ACYP2: variants seen among roughly 807,000 people sequenced by gnomAD.
ACYP2 encodes acylphosphatase-2.
Under a neutral mutation model 11.2 loss-of-function variants are expected in ACYP2, and 12 were observed. The observed-to-expected ratio is 1.08, with a 90% confidence interval of 0.69 to 1.74. The LOEUF (loss-of-function observed/expected upper bound fraction) is 1.74. Among genes scored for constraint, ACYP2 ranks in the 40% most tolerant of loss-of-function variants. The probability of loss-of-function intolerance (pLI) is 0.00; values close to 1 mark genes in which losing one functional copy is unlikely to be tolerated. For missense variants in ACYP2, 134 were observed against 101.9 expected, an observed-to-expected ratio of 1.31 and a Z score of -1.35; for synonymous variants, 43 against 32.2, an observed-to-expected ratio of 1.33 and a Z score of -1.13.
In ACYP2 at chr2:54,159,486, G is replaced by A. The variant is rs140205542; in HGVS notation, c.404+20738G>A. ...GCCTCCAAAAGTCCTGAGATTACAG[G>A]CATGAGCCACCGCACCCAGCCAGGA... On this transcript the variant is annotated intron_variant, in intron 6 of 6. Coordinates refer to ENST00000607452, the MANE Select transcript of ACYP2 (RefSeq NM_001320586.2). Among the ~76,000 whole-genome samples, 510 of 151,948 alleles carry A rather than the reference G, an allele frequency of 3.4e-3. 6 individuals are homozygous for A. Among genetic ancestry groups the A allele is most frequent in the African/African-American group, 0.012 (486 of 41,438 alleles).
At chr2:54,049,263 A>AAAT (rs10617454) in intron 2 of ACYP2, among the ~76,000 whole-genome samples, 3,194 of 151,594 alleles carry the variant, frequency 0.021, 119 homozygotes, top group African/African-American at 0.072. Context: ...CCCATCTCAA[A>AAAT]AATAATAATA....
At chr2:54,250,737 C>T (rs1687185648) in intron 6 of ACYP2, among the ~76,000 whole-genome samples, 1 of 152,180 alleles carries the variant, frequency 6.6e-6, no homozygotes, top group African/African-American at 2.4e-5. Context: ...AAATTATTAT[C>T]ACCCAAATAC....
chr2:54,143,061 A>T (rs1010802734), intron 6 of ACYP2: 5 of 152,184 alleles, frequency 3.3e-5, no homozygotes, highest in African/African-American at 1.2e-4. Flanking sequence ...TCAGTTTTTT[A>T]AAAAACTATA....
intron 6 of ACYP2, among the ~76,000 whole-genome samples, chr2:54,150,060 A>G (rs952524258): frequency 6.6e-6 from 1 of 152,246 alleles, no homozygotes; most frequent in African/African-American, 2.4e-5. Flanking sequence ...TTAAATGTAT[A>G]TAATGGTGGA....
At chr2:54,200,617 T>C (rs1212472794) in intron 6 of ACYP2, among the ~76,000 whole-genome samples, 2 of 152,256 alleles carry the variant, frequency 1.3e-5, no homozygotes, top group Non-Finnish European at 2.9e-5. Flanking sequence ...TATGGCCGAA[T>C]AACATGAATA....
At chr2:54,067,551 T>C (rs544313100) in intron 4 of ACYP2, among the ~76,000 whole-genome samples, 1 of 152,354 alleles carries the variant, frequency 6.6e-6, no homozygotes, top group East Asian at 1.9e-4. Context: ...CAGTGCCTAC[T>C]TAACATGAAT....
chr2:54,233,043 G>C (rs1686308881), intron 6 of ACYP2, among the ~76,000 whole-genome samples: 1 of 146,914 alleles, frequency 6.8e-6, no homozygotes, highest in Non-Finnish European at 1.5e-5. Context: ...TCACAATTAA[G>C]TTTTTTTTTT....
At chr2:54,302,892 C>G (rs1689781121) in intron 6 of ACYP2, among the ~76,000 whole-genome samples, 1 of 152,204 alleles carries the variant, frequency 6.6e-6, no homozygotes, top group Admixed American at 6.5e-5. Context: ...TACTCAGAAT[C>G]TGAATCCTCC....
At chr2:54,100,418 TCAGCCTTGCAAGTAGCTGGGACCA>T (rs1404203700) in intron 4 of ACYP2, among the ~76,000 whole-genome samples, 4 of 151,306 alleles carry the variant, frequency 2.6e-5, no homozygotes, top group Non-Finnish European at 4.4e-5. Flanking sequence ...TCCTCTAATC[TCAGCCTTGCAAGTAGCTGGGACCA>T]CAGCTGTGCC....
intron 6 of ACYP2, among the ~76,000 whole-genome samples, chr2:54,264,862 G>C (rs1393613443): frequency 1.3e-5 from 2 of 152,144 alleles, no homozygotes; most frequent in Non-Finnish European, 2.9e-5. Context: ...TCTTAGGTGT[G>C]ATAAATGGCA....
At chr2:54,147,223 C>A (rs1026143906) in intron 6 of ACYP2, among the ~76,000 whole-genome samples, 2 of 152,142 alleles carry the variant, frequency 1.3e-5, no homozygotes, top group Middle Eastern at 3.4e-3. Context: ...ATCATATTTT[C>A]AGTAACTTAG....
intron 3 of ACYP2, chr2:54,051,655 G>A (rs1247349326): frequency 1.4e-6 from 1 of 727,684 alleles, no homozygotes; most frequent in Non-Finnish European, 2.5e-6. Flanking sequence ...CTGCGAAGTT[G>A]AAGGAAAAAT....
chr2:54,258,976 T>C (rs887544188), intron 6 of ACYP2, among the ~76,000 whole-genome samples: 5 of 152,146 alleles, frequency 3.3e-5, no homozygotes, highest in African/African-American at 1.2e-4. Context: ...ACCCACTCTC[T>C]CAAAAACTAA....
At chr2:54,284,315 C>T (rs919465010) in intron 6 of ACYP2, among the ~76,000 whole-genome samples, 4 of 152,176 alleles carry the variant, frequency 2.6e-5, no homozygotes, top group Non-Finnish European at 4.4e-5. Context: ...AAGCTTCACT[C>T]GTCTCCTCAA....
At chr2:54,077,707 A>G (rs912313782) in intron 4 of ACYP2, among the ~76,000 whole-genome samples, 1 of 152,186 alleles carries the variant, frequency 6.6e-6, no homozygotes, top group Admixed American at 6.5e-5. Context: ...TAGGGGAATA[A>G]TCTGTGTGGG....
intron 2 of ACYP2, among the ~76,000 whole-genome samples, chr2:54,048,768 C>A (rs1199898262): frequency 6.6e-6 from 1 of 152,174 alleles, no homozygotes; most frequent in African/African-American, 2.4e-5. Context: ...GTTTTCAAAT[C>A]TTTTAGATAA....
intron 2 of ACYP2, among the ~76,000 whole-genome samples, chr2:53,979,135 A>G (rs780372769): frequency 5.4e-4 from 82 of 152,072 alleles, no homozygotes; most frequent in Non-Finnish European, 7.4e-4. Flanking sequence ...TTATTATTAT[A>G]GAAGATGAAA....
At chr2:54,109,249 T>C (rs1056833629) in intron 4 of ACYP2, among the ~76,000 whole-genome samples, 5 of 152,226 alleles carry the variant, frequency 3.3e-5, no homozygotes. Context: ...AATGAAATAA[T>C]GGCATTCACA....
chr2:54,219,224 G>A (rs559702007), intron 6 of ACYP2, among the ~76,000 whole-genome samples: 1 of 152,158 alleles, frequency 6.6e-6, no homozygotes, highest in Non-Finnish European at 1.5e-5. Flanking sequence ...TGTAAGAGGT[G>A]GGACTTGAGC....
Sources: allele counts gnomAD v4.1 joint callset (sites outside exome capture counted in the v4.1 genomes callset), GRCh38; gene constraint gnomAD v4.1.1; transcripts MANE v1.5; gene names NCBI Gene and HGNC (gene_info 2026-07-23, HGNC 2026-07-21).